The following SEMA5A variants were observed in gnomAD, a reference collection of about 807,000 sequenced individuals.
The protein encoded by SEMA5A is semaphorin-5A.
Under a neutral mutation model 135.5 loss-of-function variants are expected in SEMA5A, and 55 were observed. The ratio of observed to expected loss-of-function variants is 0.41; its 90% CI spans 0.33 to 0.51. The LOEUF is 0.51. Among genes scored for constraint, SEMA5A ranks in the 20% least tolerant of loss-of-function variants. The pLI is 0.37. For synonymous variants in SEMA5A, 580 were observed against 546.5 expected (o/e 1.06, Z -0.85); for missense variants, 1,290 against 1,419.9 (o/e 0.91, Z 1.47).
chr5:9,486,008 T>C (rs1000764484), intron 1 of SEMA5A, among the ~76,000 whole-genome samples: 3 of 152,086 alleles, frequency 2.0e-5, no homozygotes, highest in African/African-American at 4.8e-5. Context: ...ATAAAACTCC[T>C]TGGGGACCAA....
At chr5:9,538,582 T>C (rs1487133798) in intron 1 of SEMA5A, among the ~76,000 whole-genome samples, 1 of 152,088 alleles carries the variant, frequency 6.6e-6, no homozygotes, top group Non-Finnish European at 1.5e-5. Flanking sequence ...CATAAAACAA[T>C]AAAATTGGCA....
At chr5:9,379,590 A>AT (rs1214813080) in intron 3 of SEMA5A, among the ~76,000 whole-genome samples, 2 of 152,258 alleles carry the variant, frequency 1.3e-5, no homozygotes, top group South Asian at 4.1e-4. Context: ...AAATAATGAG[A>AT]TTTTTTTACC....
chr5:9,126,778 A>C (rs1468498370), intron 13 of SEMA5A, among the ~76,000 whole-genome samples: 1 of 152,192 alleles, frequency 6.6e-6, no homozygotes, highest in African/African-American at 2.4e-5. Context: ...GGACTACAGG[A>C]CAGCTTTTGG....
At chr5:9,080,202 G>A (rs944039115) in intron 16 of SEMA5A, among the ~76,000 whole-genome samples, 10 of 152,182 alleles carry the variant, frequency 6.6e-5, no homozygotes, top group East Asian at 1.9e-4. Flanking sequence ...TATACACCGC[G>A]GAATACTATG....
chr5:9,353,904 G>T (rs1029200800), intron 3 of SEMA5A, among the ~76,000 whole-genome samples: 4 of 151,466 alleles, frequency 2.6e-5, no homozygotes, highest in African/African-American at 9.7e-5. Flanking sequence ...CCCCAGGCTT[G>T]CTTTGGTATC....
chr5:9,206,493 C>T (rs765185627), intron 8 of SEMA5A, among the ~76,000 whole-genome samples: 6 of 151,862 alleles, frequency 4.0e-5, no homozygotes, highest in African/African-American at 1.2e-4. Context: ...ATTTCGACCA[C>T]GCAAAACCAA....
At chr5:9,409,738 G>A (rs939594472) in intron 2 of SEMA5A, among the ~76,000 whole-genome samples, 3 of 152,216 alleles carry the variant, frequency 2.0e-5, no homozygotes, top group African/African-American at 7.2e-5. Flanking sequence ...GCCACAGAGC[G>A]AGAGCTCGTC....
At chr5:9,434,434 T>G (rs1171174645) in intron 2 of SEMA5A, among the ~76,000 whole-genome samples, 1 of 152,110 alleles carries the variant, frequency 6.6e-6, no homozygotes, top group Admixed American at 6.6e-5. Flanking sequence ...CTTTAAAAAT[T>G]TTTTTAATTG....
At chr5:9,215,044 C>G (rs996872265) in intron 8 of SEMA5A, among the ~76,000 whole-genome samples, 1 of 152,120 alleles carries the variant, frequency 6.6e-6, no homozygotes, top group Non-Finnish European at 1.5e-5. Flanking sequence ...ATGCATTGTC[C>G]ATAGCAGTAC....
intron 15 of SEMA5A, among the ~76,000 whole-genome samples, chr5:9,111,041 G>A (rs1579413168): frequency 6.6e-6 from 1 of 152,330 alleles, no homozygotes; most frequent in African/African-American, 2.4e-5. Flanking sequence ...TAATATGTGT[G>A]TTGGTTCATG....
At chr5:9,200,893 T>C (rs1274274652) in intron 9 of SEMA5A, among the ~76,000 whole-genome samples, 1 of 152,214 alleles carries the variant, frequency 6.6e-6, no homozygotes, top group African/African-American at 2.4e-5. Flanking sequence ...GGGTGACCAG[T>C]TGTCCTGGTT....
intron 8 of SEMA5A, among the ~76,000 whole-genome samples, chr5:9,205,032 C>A (rs74617583): frequency 0.11 from 16,388 of 152,166 alleles, 951 homozygotes; most frequent in Middle Eastern, 0.21. Context: ...TTCCATGAAA[C>A]TGGTTCTTAG....
chr5:9,303,049 A>G (rs1340373488), intron 5 of SEMA5A, among the ~76,000 whole-genome samples: 1 of 152,004 alleles, frequency 6.6e-6, no homozygotes, highest in African/African-American at 2.4e-5. Context: ...TTGCTAATTT[A>G]CTTATTTCAA....
intron 8 of SEMA5A, among the ~76,000 whole-genome samples, chr5:9,214,797 C>T (rs1189582387): frequency 6.6e-6 from 1 of 152,192 alleles, no homozygotes; most frequent in Admixed American, 6.5e-5. Context: ...TTCTGCCATC[C>T]TTCCCTGTAG....
rs1303441302 is a variant in SEMA5A, at chr5:9,035,740, T to C, written c.*7157A>G. The C allele has an allele frequency of 1.3e-5, 2 of 152,092 alleles. No individual in the cohort carries two copies. The highest frequency in any genetic ancestry group is 6.6e-5 in the Admixed American group (1 of 15,264). 9.4% of individuals were successfully genotyped at this position (152,092 alleles called of 1,614,324 possible). A position where few individuals can be genotyped will look rare whatever the true frequency, so the allele number is the denominator to read the frequency against. ...AAGGATTGAAAGAAAGTGTGGTGTG[T>C]CCATGGCCCCCTTACAAAGGACCCA... On this transcript the variant is annotated 3_prime_UTR_variant, in exon 23 of 23. Coordinates refer to ENST00000382496, the MANE Select transcript of SEMA5A (RefSeq NM_003966.3).
chr5:9,233,460 A>G (rs1472150844), intron 6 of SEMA5A, among the ~76,000 whole-genome samples: 4 of 151,324 alleles, frequency 2.6e-5, no homozygotes, highest in African/African-American at 9.7e-5. Context: ...CAGATTCCCC[A>G]CCCCCACTTT....
chr5:9,087,809 T>C (rs1013720), intron 16 of SEMA5A, among the ~76,000 whole-genome samples: 48,408 of 152,052 alleles, frequency 0.32, 7,896 homozygotes, highest in Non-Finnish European at 0.35. Flanking sequence ...TTCAGGCCTA[T>C]AGAAAATGCT....
chr5:9,509,398 C>T (rs967296381), intron 1 of SEMA5A, among the ~76,000 whole-genome samples: 1 of 152,002 alleles, frequency 6.6e-6, no homozygotes, highest in Non-Finnish European at 1.5e-5. Flanking sequence ...TCTCAGCCTC[C>T]CGAGTAGCTG....
intron 8 of SEMA5A, among the ~76,000 whole-genome samples, chr5:9,221,591 C>T (rs1029217383): frequency 1.3e-5 from 2 of 151,902 alleles, no homozygotes; most frequent in Admixed American, 6.6e-5. Context: ...CGTGAGCCAC[C>T]GCGCCTGGCC....
Sources: gnomAD v4.1 joint callset for allele counts (sites outside exome capture counted in the v4.1 genomes callset) on GRCh38, gnomAD v4.1.1 for gene constraint, MANE v1.5 for transcripts, NCBI Gene and HGNC (gene_info 2026-07-23, HGNC 2026-07-21) for gene names.